The following LRRC39 variants were observed in gnomAD, a reference collection of about 807,000 sequenced individuals.
LRRC39 encodes leucine rich repeat containing 39.
In LRRC39, 35 loss-of-function variants were observed where a neutral mutation model predicts 39.7. The ratio of observed to expected loss-of-function variants is 0.88; its 90% CI spans 0.67 to 1.17. The LOEUF (loss-of-function observed/expected upper bound fraction) is 1.17. Ranked by LOEUF, LRRC39 falls within the 50% of genes most tolerant of loss-of-function variation. The pLI is 0.00. For synonymous variants in LRRC39, 113 were observed against 134.1 expected, an observed-to-expected ratio of 0.84 and a Z score of 1.09; for missense variants, 357 against 385.8, an observed-to-expected ratio of 0.93 and a Z score of 0.62.
At chr1:100,157,048 C>G (rs1658513659) in intron 6 of LRRC39, among the ~76,000 whole-genome samples, 2 of 152,048 alleles carry the variant, frequency 1.3e-5, no homozygotes, top group African/African-American at 4.8e-5. Flanking sequence ...GGAGCCAACC[C>G]AGAAACAAAA....
At position 100,148,698 on chromosome 1, in the gene LRRC39, T is replaced by C. The variant is rs1657621354; in HGVS notation, c.*344A>G. On this transcript the variant is annotated 3_prime_UTR_variant, in exon 10 of 10. Transcript: ENST00000370137. ...GCTGATTGACCAAGGTCGAATCCAG[T>C]ATTTGCAGCAGAAGGGATTCAGTCC... is the stretch of plus-strand genomic sequence containing the variant. 6.2e-7 allele frequency: 1 copy of C among 1,613,282 alleles called. No homozygotes were observed. Among genetic ancestry groups the C allele is most frequent in the Non-Finnish European group, 8.5e-7 (1 of 1,179,790 alleles).
chr1:100,176,469 G>A (rs1213977093), intron 1 of LRRC39, among the ~76,000 whole-genome samples: 1 of 152,100 alleles, frequency 6.6e-6, no homozygotes, highest in Non-Finnish European at 1.5e-5. Flanking sequence ...TTCATCCATT[G>A]AATTATAAAA....
At chr1:100,159,114 G>A (rs868027064) in intron 5 of LRRC39, 145 bp downstream of exon 5, 3 of 565,924 alleles carry the variant, frequency 5.3e-6, no homozygotes, top group Non-Finnish European at 5.4e-6. Flanking sequence ...TCCCCTAGAA[G>A]CTTCAATTTA....
At chr1:100,171,320 CA>C (rs1659579962) in intron 2 of LRRC39, among the ~76,000 whole-genome samples, 1 of 151,790 alleles carries the variant, frequency 6.6e-6, no homozygotes, top group African/African-American at 2.4e-5. Context: ...GGAAGAGTCA[CA>C]GAAAAAAAAT....
chr1:100,169,210 A>T (rs141108747), intron 2 of LRRC39, among the ~76,000 whole-genome samples: 1 of 152,206 alleles, frequency 6.6e-6, no homozygotes, highest in Non-Finnish European at 1.5e-5. Flanking sequence ...TCAAATTAGT[A>T]ATAATAAAAT....
At position 100,152,442 on chromosome 1, in the gene LRRC39, C is replaced by T. The variant is rs146613191; in HGVS notation, c.895G>A (p.Glu299Lys). Residue 299 changes from glutamate (E) to lysine (K), a missense_variant, in exon 9 of 10, where the codon GAA (glutamate) becomes AAA (lysine). Glu to Lys is a moderately conservative substitution (Grantham distance 56). Transcript: ENST00000370137. ...TGCATAAACTGAAGGCCAAATAATT[C>T]CCGTTCCTCTTCTTCATCTGTGCCT... Reference protein sequence around the residue: ...SEGTDEEEERELFGLQFMHTY... With the variant: ...SEGTDEEEERKLFGLQFMHTY... The T allele has an allele frequency of 1.2e-4, 193 of 1,613,202 alleles. No individual in the cohort carries two copies. Among genetic ancestry groups the T allele is most frequent in the Non-Finnish European group, 1.6e-4 (186 of 1,179,988 alleles).
intron 4 of LRRC39, 121 bp downstream of exon 4, chr1:100,160,345 G>T: frequency 1.7e-6 from 1 of 604,570 alleles, no homozygotes; most frequent in South Asian, 3.2e-5. Context: ...AAATTCATTT[G>T]GTGTATTATT....
At chr1:100,151,014 C>T (rs1251462248) in intron 9 of LRRC39, among the ~76,000 whole-genome samples, 2 of 150,524 alleles carry the variant, frequency 1.3e-5, no homozygotes, top group South Asian at 2.1e-4. Context: ...TGCCTGTAAG[C>T]TACTCAGGAG....
chr1:100,165,927 T>C (rs955056488), intron 3 of LRRC39, among the ~76,000 whole-genome samples: 1 of 147,656 alleles, frequency 6.8e-6, no homozygotes, highest in Non-Finnish European at 1.5e-5. Context: ...CAGGCTGGAG[T>C]GCAATGGTGC....
At chr1:100,149,968 T>C (rs1657805788) in intron 9 of LRRC39, 1 of 152,756 alleles carries the variant, frequency 6.5e-6, no homozygotes, top group Non-Finnish European at 1.5e-5. Flanking sequence ...TTCCTGACTT[T>C]AGTCTCATAT....
chr1:100,160,589 C>A lies in LRRC39; in HGVS notation c.114-18G>T. ...GCACTAGCCTAGGAAACCAGGAAAT[C>A]ATTTTAGTTCATAGACAATTACATA... is the stretch of plus-strand genomic sequence containing the variant. On this transcript the variant is annotated intron_variant, in intron 3 of 9. Transcript: ENST00000370137. 6.4e-7 allele frequency: 1 copy of A among 1,561,642 alleles called. No individual in the cohort carries two copies. Among genetic ancestry groups the A allele is most frequent in the Non-Finnish European group, 8.7e-7 (1 of 1,144,352 alleles).
intron 3 of LRRC39, among the ~76,000 whole-genome samples, chr1:100,162,046 CT>C (rs1483708766): frequency 6.6e-6 from 1 of 152,134 alleles, no homozygotes; most frequent in African/African-American, 2.4e-5. Flanking sequence ...TATTCACATC[CT>C]CACCAATATT....
At chr1:100,160,223 G>A (rs1245604195) in intron 4 of LRRC39, among the ~76,000 whole-genome samples, 2 of 152,176 alleles carry the variant, frequency 1.3e-5, no homozygotes, top group Non-Finnish European at 2.9e-5. Context: ...CTATAAGAAG[G>A]ATTAATAGGA....
chr1:100,148,869 T>A lies in LRRC39; in HGVS notation c.*173A>T, dbSNP rs1387416284. 5.6e-6 allele frequency: 7 copies of A among 1,240,480 alleles called. No homozygotes were observed. Among genetic ancestry groups the A allele is most frequent in the Non-Finnish European group, 6.2e-6 (6 of 960,298 alleles). The allele number at this position is 1,240,480 out of a possible 1,614,324, so 76.8% of individuals were successfully genotyped here. ...CTGTCTTCCACCAAAAAAAATTTTTTAATTATATTTTTATATCAAAAAAAT... is the reference window on the plus strand; with the variant it reads ...CTGTCTTCCACCAAAAAAAATTTTTAAATTATATTTTTATATCAAAAAAAT... On this transcript the variant is annotated 3_prime_UTR_variant, in exon 10 of 10. Coordinates refer to ENST00000370137, the MANE Select transcript of LRRC39 (RefSeq NM_144620.4).
chr1:100,167,813 A>C (rs188222722), intron 3 of LRRC39, among the ~76,000 whole-genome samples: 1 of 148,022 alleles, frequency 6.8e-6, no homozygotes, highest in East Asian at 2.0e-4. Context: ...AATAATAATA[A>C]TAATAATAAT....
At chr1:100,164,374 T>G (rs926338968) in intron 3 of LRRC39, among the ~76,000 whole-genome samples, 19 of 152,340 alleles carry the variant, frequency 1.2e-4, no homozygotes, top group African/African-American at 4.6e-4. Context: ...CCACTCAGTG[T>G]GATTTGCAGA....
intron 1 of LRRC39, among the ~76,000 whole-genome samples, chr1:100,176,252 C>A (rs1659946560): frequency 6.6e-6 from 1 of 152,122 alleles, no homozygotes; most frequent in Admixed American, 6.5e-5. Flanking sequence ...CATGGTGAAA[C>A]CCCGTCTCTA....
At chr1:100,174,518 T>G (rs1396884709) in intron 1 of LRRC39, among the ~76,000 whole-genome samples, 2 of 151,868 alleles carry the variant, frequency 1.3e-5, no homozygotes, top group Non-Finnish European at 2.9e-5. Context: ...AGGCTGATCT[T>G]GAACTCCTGG....
At chr1:100,166,451 A>C (rs1327490447) in intron 3 of LRRC39, among the ~76,000 whole-genome samples, 1 of 152,194 alleles carries the variant, frequency 6.6e-6, no homozygotes. Flanking sequence ...ATCCAGGCTG[A>C]GGTGATCGCA....
Sources: allele counts gnomAD v4.1 joint callset (sites outside exome capture counted in the v4.1 genomes callset), GRCh38; gene constraint gnomAD v4.1.1; transcripts MANE v1.5; gene names NCBI Gene and HGNC (gene_info 2026-07-23, HGNC 2026-07-21).